The following MLIP variants were observed in gnomAD, a reference collection of about 807,000 sequenced individuals.
MLIP encodes muscular LMNA-interacting protein.
Under a neutral mutation model 84.8 loss-of-function variants are expected in MLIP, and 79 were observed. The observed-to-expected ratio is 0.93, with a 90% confidence interval of 0.78 to 1.12. The LOEUF is 1.12. Among genes scored for constraint, MLIP ranks in the 50% most tolerant of loss-of-function variants. The probability of loss-of-function intolerance (pLI) is 0.00; values close to 1 mark genes in which losing one functional copy is unlikely to be tolerated. For synonymous variants in MLIP, 504 were observed against 463.0 expected, an observed-to-expected ratio of 1.09 and a Z score of -1.14; for missense variants, 1,257 against 1,160.6, an observed-to-expected ratio of 1.08 and a Z score of -1.21.
intron 10 of MLIP, among the ~76,000 whole-genome samples, chr6:54,193,065 A>G (rs1450366932): frequency 2.0e-5 from 3 of 152,308 alleles, no homozygotes; most frequent in Non-Finnish European, 4.4e-5. Flanking sequence ...AAAAGGAAAG[A>G]AGAAATAGAG....
At chr6:54,153,568 C>A (rs114332451) in intron 5 of MLIP, among the ~76,000 whole-genome samples, 2,034 of 152,160 alleles carry the variant, frequency 0.013, 44 homozygotes, top group African/African-American at 0.047. Context: ...TATGTCTTGG[C>A]AGGGCGTGAT....
At chr6:54,219,804 C>G (rs140102553) in intron 11 of MLIP, among the ~76,000 whole-genome samples, 102 of 152,268 alleles carry the variant, frequency 6.7e-4, no homozygotes, top group African/African-American at 2.1e-3. Context: ...AAGTGTCAGG[C>G]CTTTCTAACT....
At chr6:54,102,909 G>A (rs757474408) in intron 1 of MLIP, among the ~76,000 whole-genome samples, 34 of 152,104 alleles carry the variant, frequency 2.2e-4, no homozygotes, top group Admixed American at 1.2e-3. Context: ...GCTAAGAGAG[G>A]GTACAACAGG....
At chr6:54,238,309 C>A (rs1781499459) in intron 12 of MLIP, among the ~76,000 whole-genome samples, 1 of 152,164 alleles carries the variant, frequency 6.6e-6, no homozygotes, top group South Asian at 2.1e-4. Flanking sequence ...CCTCCATTCA[C>A]CCCTTCTCAT....
At chr6:54,257,976 CAAAG>C (rs1453319264) in intron 13 of MLIP, among the ~76,000 whole-genome samples, 2 of 151,900 alleles carry the variant, frequency 1.3e-5, no homozygotes, top group African/African-American at 4.8e-5. Context: ...ACCACAGAAA[CAAAG>C]AAAAATTCTG....
chr6:54,258,380 T>C lies in MLIP; in HGVS notation c.2976+1019T>C, dbSNP rs535327164. On this transcript the variant is annotated intron_variant, in intron 13 of 13. Transcript: ENST00000502396. ...AAAAAGCTCTGTCATAGTATAAGAC[T>C]GATGTGGCTTTTTGCTGTAACATTA... Among the ~76,000 whole-genome samples, 14 of 152,280 alleles carry C rather than the reference T, an allele frequency of 9.2e-5. No individual in the cohort carries two copies. In the East Asian group the frequency reaches 2.1e-3, roughly 23 times the overall value.
At position 54,160,549 on chromosome 6, in the gene MLIP, G is replaced by C; in HGVS notation, c.2389G>C (p.Glu797Gln). Reference protein sequence around the residue: ...YFPAQLRQQTEELCATIDKVL... With the variant: ...YFPAQLRQQTQELCATIDKVL... ...TCCTGCACAGCTCAGGCAGCAAACT[G>C]AAGAGCTCTGTGCTACCATTGATAA... The change falls in exon 7 of 14, where the codon GAA (glutamate) becomes CAA (glutamine). Residue 797 changes from glutamate (E) to glutamine (Q), a missense_variant. Transcript: ENST00000502396. 2 of 1,612,610 alleles carry C rather than the reference G, an allele frequency of 1.2e-6. No individual in the cohort carries two copies. The highest frequency in any genetic ancestry group is 1.7e-6 in the Non-Finnish European group (2 of 1,179,186).
At chr6:54,169,298 T>G (rs994891974) in intron 8 of MLIP, among the ~76,000 whole-genome samples, 2 of 151,642 alleles carry the variant, frequency 1.3e-5, no homozygotes, top group Non-Finnish European at 3.0e-5. Flanking sequence ...GATCCATGAG[T>G]TGACATCATC....
chr6:54,223,332 T>A (rs1780350581), intron 11 of MLIP, among the ~76,000 whole-genome samples: 1 of 151,416 alleles, frequency 6.6e-6, no homozygotes, highest in Non-Finnish European at 1.5e-5. Flanking sequence ...CCCACAACAA[T>A]GTCAAGCAGA....
At chr6:54,208,111 G>C (rs1779167118) in intron 11 of MLIP, among the ~76,000 whole-genome samples, 1 of 152,012 alleles carries the variant, frequency 6.6e-6, no homozygotes, top group African/African-American at 2.4e-5. Context: ...CTGGGCAACA[G>C]AGCGAGACTC....
intron 12 of MLIP, among the ~76,000 whole-genome samples, chr6:54,245,874 C>T (rs1442097847): frequency 2.0e-5 from 3 of 152,112 alleles, no homozygotes; most frequent in Non-Finnish European, 4.4e-5. Flanking sequence ...AAGGAGTCTC[C>T]TATTTTGAAA....
At chr6:54,131,843 G>A (rs929599774) in intron 3 of MLIP, among the ~76,000 whole-genome samples, 2 of 152,060 alleles carry the variant, frequency 1.3e-5, no homozygotes, top group African/African-American at 4.8e-5. Context: ...CAATAATTTG[G>A]GCTGTTTTCA....
chr6:54,167,893 C>A (rs957705705), intron 8 of MLIP, among the ~76,000 whole-genome samples: 2 of 151,750 alleles, frequency 1.3e-5, no homozygotes, highest in Non-Finnish European at 2.9e-5. Flanking sequence ...TCCTGGTTGA[C>A]TTTCTCTCTC....
intron 1 of MLIP, among the ~76,000 whole-genome samples, chr6:54,080,751 A>G (rs1376543832): frequency 6.7e-6 from 1 of 148,572 alleles, no homozygotes; most frequent in Non-Finnish European, 1.5e-5. Flanking sequence ...TATAAAATAC[A>G]CTATATAAAT....
intron 1 of MLIP, among the ~76,000 whole-genome samples, chr6:54,038,262 C>T (rs919809197): frequency 6.6e-6 from 1 of 151,852 alleles, no homozygotes; most frequent in Non-Finnish European, 1.5e-5. Context: ...AGGCCTGAAA[C>T]TTCTTGAAAA....
intron 12 of MLIP, among the ~76,000 whole-genome samples, chr6:54,254,792 A>G (rs949084230): frequency 2.3e-5 from 1 of 44,102 alleles, no homozygotes; most frequent in Non-Finnish European, 4.4e-5. Flanking sequence ...TTCCCCCCCC[A>G]CTTTCCTGCC....
At chr6:54,056,696 A>G (rs565268803) in intron 1 of MLIP, among the ~76,000 whole-genome samples, 50 of 152,310 alleles carry the variant, frequency 3.3e-4, no homozygotes, top group African/African-American at 1.2e-3. Flanking sequence ...CTTTATTTCC[A>G]CAGCTATTAT....
chr6:54,148,964 C>G, intron 4 of MLIP, 92 bp from the exon 5 acceptor site: 1 of 972,974 alleles, frequency 1.0e-6, no homozygotes. Flanking sequence ...CATTTGATAA[C>G]GTATCATTTA....
At chr6:54,129,276 C>T (rs1481294490) in intron 3 of MLIP, among the ~76,000 whole-genome samples, 1 of 152,110 alleles carries the variant, frequency 6.6e-6, no homozygotes, top group Non-Finnish European at 1.5e-5. Flanking sequence ...TTACAATAGC[C>T]TTCATGTGTC....
Sources: gnomAD v4.1 joint callset for allele counts (sites outside exome capture counted in the v4.1 genomes callset) on GRCh38, gnomAD v4.1.1 for gene constraint, MANE v1.5 for transcripts, NCBI Gene and HGNC (gene_info 2026-07-23, HGNC 2026-07-21) for gene names.